The following CEP350 variants were observed in gnomAD, a reference collection of about 807,000 sequenced individuals.
CEP350 encodes centrosome-associated protein 350.
In CEP350, 126 loss-of-function variants were observed where a neutral mutation model predicts 331.8. The ratio of observed to expected loss-of-function variants is 0.38; its 90% CI spans 0.33 to 0.44. The LOEUF (loss-of-function observed/expected upper bound fraction) is 0.44, where lower values mean the gene tolerates loss of function less well. CEP350 is among the 20% of genes least tolerant of loss of function. The pLI is 1.00. For synonymous variants in CEP350, 1,200 were observed against 1,259.5 expected (o/e 0.95, Z 1.00); for missense variants, 3,406 against 3,634.6 (o/e 0.94, Z 1.62).
chr1:180,010,394 C>A (rs988927940), intron 8 of CEP350, among the ~76,000 whole-genome samples: 40 of 132,778 alleles, frequency 3.0e-4, no homozygotes, highest in African/African-American at 1.1e-3. Flanking sequence ...GACACATAAT[C>A]CCATGTTTGC....
intron 1 of CEP350, among the ~76,000 whole-genome samples, chr1:179,966,245 T>C (rs1651003940): frequency 6.6e-6 from 1 of 152,230 alleles, no homozygotes; most frequent in Non-Finnish European, 1.5e-5. Flanking sequence ...AATAAAAATA[T>C]TGAAATCTTT....
At chr1:179,990,690 A>T in intron 4 of CEP350, 69 bp downstream of exon 4, 2 of 825,958 alleles carry the variant, frequency 2.4e-6, no homozygotes, top group Admixed American at 4.9e-5. Flanking sequence ...AGACAGCTAG[A>T]TCTACAGGGG....
At chr1:180,110,685 T>C (rs1302279045) in intron 37 of CEP350, among the ~76,000 whole-genome samples, 1 of 152,230 alleles carries the variant, frequency 6.6e-6, no homozygotes, top group Non-Finnish European at 1.5e-5. Flanking sequence ...TATTCTCTTA[T>C]GTTATGGAAT....
At chr1:180,086,630 A>AC (rs1370278744) in intron 31 of CEP350, among the ~76,000 whole-genome samples, 1 of 152,122 alleles carries the variant, frequency 6.6e-6, no homozygotes, top group Non-Finnish European at 1.5e-5. Context: ...AATGGACTGC[A>AC]CTCATATATG....
rs1028434472 is a variant in CEP350, at chr1:180,093,668, T to C, written c.7563T>C (p.Phe2521=). 19 of 1,613,884 alleles carry C rather than the reference T, an allele frequency of 1.2e-5. No individual in the cohort carries two copies. The highest frequency in any genetic ancestry group is 5.3e-5 in the African/African-American group (4 of 74,946). ...TTCGATTCAAAGGTGAGACTAGTTT[T>C]GCTAAAGGATTTTGGGCCGGAGTGG... ...GILRFKGETS[F]AKGFWAGVEL... The change falls in exon 34 of 38, where the codon TTT becomes TTC. Residue 2521 remains phenylalanine (F), a synonymous_variant. Transcript: ENST00000367607.
intron 13 of CEP350, 40 bp downstream of exon 13, chr1:180,022,888 G>A (rs1223173620): frequency 6.5e-7 from 1 of 1,527,988 alleles, no homozygotes. Flanking sequence ...TCTGAAGAGT[G>A]AGAAAAATGT....
chr1:180,080,797 G>A, intron 30 of CEP350, 136 bp downstream of exon 30: 1 of 730,770 alleles, frequency 1.4e-6, no homozygotes, highest in Non-Finnish European at 2.4e-6. Flanking sequence ...TTGTGAAGAA[G>A]ATTAATACCA....
At chr1:179,989,224 A>C (rs1236764216) in intron 3 of CEP350, among the ~76,000 whole-genome samples, 2 of 151,798 alleles carry the variant, frequency 1.3e-5, no homozygotes, top group African/African-American at 4.8e-5. Context: ...AGGCTGAGGC[A>C]CGTCAATCAC....
At chr1:179,994,600 G>A (rs1653342016) in intron 5 of CEP350, among the ~76,000 whole-genome samples, 1 of 151,282 alleles carries the variant, frequency 6.6e-6, no homozygotes. Flanking sequence ...ACTACAGACA[G>A]GCGCCACCAC....
intron 37 of CEP350, among the ~76,000 whole-genome samples, chr1:180,100,172 G>A (rs1024115250): frequency 2.0e-5 from 3 of 152,090 alleles, no homozygotes; most frequent in Admixed American, 6.6e-5. Context: ...GGTGTCTTAC[G>A]CCTTATTTGA....
chr1:180,071,683 T>A (rs573576300), intron 27 of CEP350, among the ~76,000 whole-genome samples: 1 of 151,864 alleles, frequency 6.6e-6, no homozygotes, highest in East Asian at 1.9e-4. Context: ...CTTCAGAGAC[T>A]GAGGCAAGAG....
At chr1:179,997,367 C>G (rs143211986) in intron 6 of CEP350, among the ~76,000 whole-genome samples, 192 bp downstream of exon 6, 12,641 of 151,882 alleles carry the variant, frequency 0.083, 700 homozygotes, top group Non-Finnish European at 0.12. Context: ...TGGTGAAACC[C>G]TGTCTCTACT....
intron 27 of CEP350, among the ~76,000 whole-genome samples, chr1:180,065,755 C>G (rs1190602976): frequency 6.6e-6 from 1 of 150,912 alleles, no homozygotes; most frequent in Non-Finnish European, 1.5e-5. Flanking sequence ...TAGACCCTGT[C>G]CCCCCCCAAA....
intron 6 of CEP350, among the ~76,000 whole-genome samples, chr1:180,002,282 T>A (rs1653915220): frequency 6.6e-6 from 1 of 152,180 alleles, no homozygotes; most frequent in South Asian, 2.1e-4. Flanking sequence ...GAGACCAACC[T>A]GGCCAACATG....
rs1040303187 is a variant in CEP350, at chr1:180,048,462, A to G, written c.4623-74A>G. ...ACTATAAAGTACAGTCATTTGGCCA[A>G]ATAAGTTTACTTTGAAGCTATAATC... On this transcript the variant is annotated intron_variant, in intron 21 of 37. Transcript: ENST00000367607. The G allele has an allele frequency of 4.1e-6, 4 of 986,546 alleles. No homozygotes were observed. The African/African-American group carries it at 4.9e-5, about 12-fold the overall frequency. 61.1% of individuals were successfully genotyped at this position (986,546 alleles called of 1,614,324 possible). A position where few individuals can be genotyped will look rare whatever the true frequency, so the allele number is the denominator to read the frequency against.
intron 1 of CEP350, among the ~76,000 whole-genome samples, chr1:179,982,268 T>C (rs1362657674): frequency 1.3e-5 from 2 of 152,198 alleles, no homozygotes; most frequent in African/African-American, 4.8e-5. Flanking sequence ...TATAGATTCC[T>C]TTTGCCTATT....
chr1:180,094,070 T>C lies in CEP350; in HGVS notation c.7965T>C (p.Ser2655=). 6.2e-7 allele frequency: 1 copy of C among 1,613,942 alleles called. No homozygotes were observed. Among genetic ancestry groups the C allele is most frequent in the South Asian group, 1.1e-5 (1 of 91,066 alleles). Residue 2655 remains serine, a synonymous_variant, in exon 34 of 38, where the codon TCT becomes TCC. Coordinates refer to ENST00000367607, the MANE Select transcript of CEP350 (RefSeq NM_014810.5). ...GVLEAHVHQQ[S]SVDSQISSKE... ...TTGAAGCCCATGTTCACCAGCAGTC[T>C]TCAGTGGATTCACAGATTTCTTCAA...
In CEP350 at chr1:180,094,609, C is replaced by T; in HGVS notation, c.8504C>T (p.Pro2835Leu). 6.2e-7 allele frequency: 1 copy of T among 1,610,120 alleles called. No individual in the cohort carries two copies. Among genetic ancestry groups the T allele is most frequent in the Non-Finnish European group, 8.5e-7 (1 of 1,178,598 alleles). ...GAGATTTCCTCTCCAGATATGTGTC[C>T]CAGACCGGTGAGTATTTCGTCTAGA... The part of the protein sequence containing the change: ...KEEISSPDMC[P>L]RPESPVFGAS... The change falls in exon 34 of 38, where the codon CCC (proline) becomes CTC (leucine). Residue 2835 changes from proline to leucine, a missense_variant. Pro to Leu is a moderately conservative substitution (Grantham distance 98, BLOSUM62 -3). Around this residue, in one of 5 missense-constraint regions of CEP350, gnomAD observed 1,415 missense variants for 1,512.3 expected, o/e 0.94. Coordinates refer to ENST00000367607, the MANE Select transcript of CEP350 (RefSeq NM_014810.5).
Position 180,022,690 on chromosome 1 carries a change from T to A in CEP350, c.3236-8T>A. On this transcript the variant is annotated splice_polypyrimidine_tract_variant and splice_region_variant and intron_variant, in intron 12 of 37. Coordinates refer to ENST00000367607, the MANE Select transcript of CEP350 (RefSeq NM_014810.5). Reference sequence around the variant, plus strand: ...TTTTAACCATGTTTCAATTATTACTTTTGTCAGGGTTTGAAGACAAGTTGG... The same window carrying A: ...TTTTAACCATGTTTCAATTATTACTATTGTCAGGGTTTGAAGACAAGTTGG... 1 of 1,603,736 alleles carries A rather than the reference T, an allele frequency of 6.2e-7. No homozygotes were observed. Among genetic ancestry groups the A allele is most frequent in the Non-Finnish European group, 8.5e-7 (1 of 1,176,344 alleles).
Sources: allele counts gnomAD v4.1 joint callset (sites outside exome capture counted in the v4.1 genomes callset), GRCh38; gene constraint gnomAD v4.1.1; regional missense constraint gnomAD v4.1.1; transcripts MANE v1.5; gene names NCBI Gene and HGNC (gene_info 2026-07-23, HGNC 2026-07-21).